Variants in SRGAP1 observed in about 807,000 individuals in gnomAD.
SRGAP1 encodes the protein SLIT-ROBO Rho GTPase activating protein 1.
A neutral mutation model predicts 121.9 loss-of-function variants in SRGAP1; 43 were observed. The ratio of observed to expected loss-of-function variants is 0.35; its 90% CI spans 0.28 to 0.46. The LOEUF is 0.46. SRGAP1 is among the 20% of genes least tolerant of loss of function. The pLI is 1.00. For synonymous variants in SRGAP1, 447 were observed against 485.4 expected (o/e 0.92, Z 1.04); for missense variants, 1,102 against 1,350.9 (o/e 0.82, Z 2.89).
chr12:63,978,976 G>A (rs1001532116), intron 1 of SRGAP1, among the ~76,000 whole-genome samples: 3 of 150,440 alleles, frequency 2.0e-5, no homozygotes, highest in Non-Finnish European at 4.4e-5. Context: ...CTTTTCATAT[G>A]CTACTGGCCA....
intron 1 of SRGAP1, among the ~76,000 whole-genome samples, chr12:63,893,548 T>C (rs1388164377): frequency 1.3e-5 from 2 of 152,172 alleles, no homozygotes; most frequent in Non-Finnish European, 1.5e-5. Flanking sequence ...GCCTCAGACA[T>C]GCCTGACAGC....
At position 64,128,060 on chromosome 12, in the gene SRGAP1, G is replaced by A; in HGVS notation, c.2740G>A (p.Gly914Ser). Residue 914 changes from glycine (G) to serine (S), a missense_variant, in exon 21 of 22, where the codon GGC becomes AGC. Physicochemically the swap from Gly to Ser is moderately conservative, Grantham distance 56. Around this residue, in one of 3 missense-constraint regions of SRGAP1, gnomAD observed 315 missense variants for 343.1 expected, o/e 0.92. Coordinates refer to ENST00000355086, the MANE Select transcript of SRGAP1 (RefSeq NM_020762.4). ...CAGTCCTGAGCGGAGGCGCAGGCCT[G>A]GCCATGGCAGCCTGACCAACATCAG... Reference protein sequence around the residue: ...NDSPERRRRPGHGSLTNISRH... With the variant: ...NDSPERRRRPSHGSLTNISRH... 6.2e-7 allele frequency: 1 copy of A among 1,614,152 alleles called. No homozygotes were observed. Among genetic ancestry groups the A allele is most frequent in the Non-Finnish European group, 8.5e-7 (1 of 1,180,032 alleles).
At chr12:64,058,287 A>G (rs181814848) in intron 6 of SRGAP1, among the ~76,000 whole-genome samples, 4 of 152,290 alleles carry the variant, frequency 2.6e-5, no homozygotes, top group East Asian at 1.9e-4. Context: ...CGACTTTACA[A>G]TAAGTTTATT....
intron 8 of SRGAP1, among the ~76,000 whole-genome samples, chr12:64,073,470 A>G (rs1372311035): frequency 6.6e-6 from 1 of 152,200 alleles, no homozygotes; most frequent in Non-Finnish European, 1.5e-5. Context: ...TACAGATTAC[A>G]GTTGTCCCTT....
At chr12:64,056,152 A>T (rs534609217) in intron 6 of SRGAP1, among the ~76,000 whole-genome samples, 1 of 152,134 alleles carries the variant, frequency 6.6e-6, no homozygotes, top group African/African-American at 2.4e-5. Flanking sequence ...ATATAAATTC[A>T]TCAGCAAATC....
At chr12:63,935,324 G>A (rs531437603) in intron 1 of SRGAP1, among the ~76,000 whole-genome samples, 5 of 152,170 alleles carry the variant, frequency 3.3e-5, no homozygotes, top group Non-Finnish European at 7.4e-5. Context: ...TAAATTAGTC[G>A]AAGACCATTT....
rs114114401 is a variant in SRGAP1 at position 63,991,189 on chromosome 12, G to A, written c.426+1117G>A. 5.7e-3 allele frequency among the ~76,000 whole-genome samples: 874 copies of A among 152,256 alleles called. 7 individuals carry two copies. The highest frequency in any genetic ancestry group is 0.02 in the African/African-American group (832 of 41,546). On this transcript the variant is annotated intron_variant, in intron 3 of 21. Transcript: ENST00000355086. ...CCCCACTCTCTCAGCTTTGTATTAG[G>A]AATGTTGATGCCTGTACCTATACCT...
intron 1 of SRGAP1, among the ~76,000 whole-genome samples, chr12:63,941,731 T>G (rs1429365627): frequency 6.6e-6 from 1 of 152,164 alleles, no homozygotes; most frequent in Non-Finnish European, 1.5e-5. Flanking sequence ...TCTAACATAT[T>G]TCTAGCATTT....
intron 8 of SRGAP1, among the ~76,000 whole-genome samples, chr12:64,069,954 G>T (rs2035610698): frequency 6.6e-6 from 1 of 152,152 alleles, no homozygotes; most frequent in Admixed American, 6.5e-5. Flanking sequence ...CCCCAGGCCG[G>T]TTGAACTCCT....
chr12:63,885,665 G>C (rs1900353813), intron 1 of SRGAP1, among the ~76,000 whole-genome samples: 1 of 152,152 alleles, frequency 6.6e-6, no homozygotes, highest in Non-Finnish European at 1.5e-5. Context: ...AGAGTTTTTT[G>C]ACCCACAATC....
In SRGAP1 at chr12:64,148,881, A is replaced by T. The variant is rs2037089953; in HGVS notation, c.*6209A>T. On this transcript the variant is annotated 3_prime_UTR_variant, in exon 22 of 22. Coordinates refer to ENST00000355086, the MANE Select transcript of SRGAP1 (RefSeq NM_020762.4). ...AAGCTACTGTGCTCATGCCTCTGTG[A>T]ATGTATCAGTATCCTGACTAATCAC... 1 of 152,046 alleles carries T rather than the reference A, an allele frequency of 6.6e-6. No individual in the cohort carries two copies. Among genetic ancestry groups the T allele is most frequent in the Non-Finnish European group, 1.5e-5 (1 of 68,052 alleles). The allele number at this position is 152,046 out of a possible 1,614,324, so 9.4% of individuals were successfully genotyped here.
intron 16 of SRGAP1, among the ~76,000 whole-genome samples, chr12:64,109,835 C>T (rs1442803665): frequency 1.3e-5 from 2 of 152,266 alleles, no homozygotes; most frequent in East Asian, 3.9e-4. Flanking sequence ...TTTCATGGGA[C>T]ATTTGGAGTT....
intron 4 of SRGAP1, among the ~76,000 whole-genome samples, chr12:64,023,831 C>T (rs1401876006): frequency 6.6e-6 from 1 of 152,184 alleles, no homozygotes; most frequent in Non-Finnish European, 1.5e-5. Context: ...TATGCCTAAT[C>T]TCAGGCTTAC....
At chr12:63,875,725 T>C (rs1900007796) in intron 1 of SRGAP1, among the ~76,000 whole-genome samples, 2 of 152,224 alleles carry the variant, frequency 1.3e-5, no homozygotes, top group Non-Finnish European at 2.9e-5. Context: ...TATTTGTTTA[T>C]ATGAAAATCC....
intron 1 of SRGAP1, among the ~76,000 whole-genome samples, chr12:63,955,329 AT>A (rs1388436936): frequency 1.3e-5 from 2 of 152,236 alleles, no homozygotes; most frequent in Non-Finnish European, 2.9e-5. Flanking sequence ...AAGAAAAAAA[AT>A]AAATAAAAAT....
intron 8 of SRGAP1, among the ~76,000 whole-genome samples, chr12:64,065,939 T>C (rs2035532370): frequency 6.6e-6 from 1 of 152,244 alleles, no homozygotes; most frequent in African/African-American, 2.4e-5. Context: ...CAATATATGT[T>C]GAGCTAGGAA....
intron 3 of SRGAP1, among the ~76,000 whole-genome samples, chr12:64,004,647 G>C (rs903927951): frequency 6.6e-6 from 1 of 152,278 alleles, no homozygotes; most frequent in South Asian, 2.1e-4. Context: ...TGGGAATACA[G>C]GTGTGAGCCA....
intron 1 of SRGAP1, among the ~76,000 whole-genome samples, chr12:63,948,923 T>TTC: frequency 1.1e-5 from 1 of 87,796 alleles, no homozygotes; most frequent in African/African-American, 3.7e-5. Context: ...CATATATATA[T>TTC]ATTCCATATA....
chr12:64,145,404 T>C lies in SRGAP1; in HGVS notation c.*2732T>C, dbSNP rs2136658665. 1 of 152,446 alleles carries C rather than the reference T, an allele frequency of 6.6e-6. No homozygotes were observed. Among genetic ancestry groups the C allele is most frequent in the Non-Finnish European group, 1.5e-5 (1 of 68,154 alleles). The allele number at this position is 152,446 out of a possible 1,614,324, so 9.4% of individuals were successfully genotyped here. The stretch of plus-strand genomic sequence containing the variant: ...GAGGATTGCCTTTCTGTGCTCCCCA[T>C]CAGGACTTTGCTGTCTTGGCCGGCA... On this transcript the variant is annotated 3_prime_UTR_variant, in exon 22 of 22. Coordinates refer to ENST00000355086, the MANE Select transcript of SRGAP1 (RefSeq NM_020762.4).
Sources: gnomAD v4.1 joint callset for allele counts (sites outside exome capture counted in the v4.1 genomes callset) on GRCh38, gnomAD v4.1.1 for gene constraint, gnomAD v4.1.1 regional missense constraint, MANE v1.5 for transcripts, NCBI Gene and HGNC (gene_info 2026-07-23, HGNC 2026-07-21) for gene names.